Variants in PNRC2 observed in about 807,000 individuals in gnomAD.
PNRC2 encodes proline-rich nuclear receptor coactivator 2.
Under a neutral mutation model 12.2 loss-of-function variants are expected in PNRC2, and 2 were observed. The ratio of observed to expected loss-of-function variants is 0.16; its 90% CI spans 0.07 to 0.52. The LOEUF is 0.52. PNRC2 is among the 20% of genes least tolerant of loss of function. The pLI is 0.95. For synonymous variants in PNRC2, 44 were observed against 53.9 expected (o/e 0.82, Z 0.80); for missense variants, 115 against 158.4 (o/e 0.73, Z 1.47).
At chr1:23,960,174 A>AG (rs1283223741) in intron 1 of PNRC2, among the ~76,000 whole-genome samples, 176 bp downstream of exon 1, 7 of 152,220 alleles carry the variant, frequency 4.6e-5, no homozygotes, top group Non-Finnish European at 2.9e-5. Context: ...TGGGAAGCCA[A>AG]GCCCTTGTGG....
chr1:23,960,158 G>T (rs1457128542), intron 1 of PNRC2, among the ~76,000 whole-genome samples, 160 bp downstream of exon 1: 3 of 152,324 alleles, frequency 2.0e-5, no homozygotes, highest in Admixed American at 6.5e-5. Context: ...GGAGAGATGG[G>T]GCCACTGGGA....
In PNRC2 at chr1:23,962,975, C is replaced by T. The variant is rs1641309518; in HGVS notation, c.*1098C>T. 1 of 166,900 alleles carries T rather than the reference C, an allele frequency of 6.0e-6. No homozygotes were observed. Among genetic ancestry groups the T allele is most frequent in the African/African-American group, 2.4e-5 (1 of 41,494 alleles). 10.3% of individuals were successfully genotyped at this position (166,900 alleles called of 1,614,324 possible). A position where few individuals can be genotyped will look rare whatever the true frequency, so the allele number is the denominator to read the frequency against. On this transcript the variant is annotated 3_prime_UTR_variant, in exon 3 of 3. Coordinates refer to ENST00000334351, the MANE Select transcript of PNRC2 (RefSeq NM_017761.4). ...AGTATGGGACTATCTTTTTTTCCTC[C>T]TCTAAGCCCAAAGATTAACTAGAGT... is the stretch of plus-strand genomic sequence containing the variant.
Position 23,961,530 on chromosome 1 carries a change from AACAG to A in PNRC2, c.79_82del (p.Gln27ArgfsTer9). 6.2e-7 allele frequency: 1 copy of A among 1,613,484 alleles called. No homozygotes were observed. Among genetic ancestry groups the A allele is most frequent in the Non-Finnish European group, 8.5e-7 (1 of 1,179,578 alleles). ...TGTTAGTAAGAACCAACAACAGCTT[AACAG>A]ACAGAAGACCAAGGAACAGAATTCC... On this transcript the variant is annotated frameshift_variant, in exon 3 of 3. Coordinates refer to ENST00000334351, the MANE Select transcript of PNRC2 (RefSeq NM_017761.4). LOFTEE classifies it high-confidence loss of function.
Position 23,961,544 on chromosome 1 carries a change from C to T in PNRC2, c.87C>T (p.Thr29=). The change falls in exon 3 of 3, where the codon ACC becomes ACT. Residue 29 remains threonine (T), a synonymous_variant. Transcript: ENST00000334351. ...KNQQQLNRQK[T]KEQNSQMKIV... is the part of the protein sequence containing the mutation. ...AACAACAGCTTAACAGACAGAAGAC[C>T]AAGGAACAGAATTCCCAGATGAAGA... is the stretch of plus-strand genomic sequence containing the variant. 6.2e-7 allele frequency: 1 copy of T among 1,613,196 alleles called. No individual in the cohort carries two copies. Among genetic ancestry groups the T allele is most frequent in the Non-Finnish European group, 8.5e-7 (1 of 1,179,348 alleles).
chr1:23,961,346 C>T (rs1340689549), intron 2 of PNRC2, 94 bp from the exon 3 acceptor site: 76 of 900,140 alleles, frequency 8.4e-5, no homozygotes, highest in Non-Finnish European at 1.3e-4. Flanking sequence ...TCCAAAATAT[C>T]TGGAGTTATA....
At chr1:23,959,794 G>C (rs1199396130), upstream of PNRC2, 2 of 152,318 alleles carry the variant, frequency 1.3e-5, no homozygotes, top group Non-Finnish European at 2.9e-5. Flanking sequence ...GAGCCTCCCG[G>C]CCCTGCTTCT....
chr1:23,961,932 G>C lies in PNRC2; in HGVS notation c.*55G>C, dbSNP rs569144050. 32 of 1,079,536 alleles carry C rather than the reference G, an allele frequency of 3.0e-5. No individual in the cohort carries two copies. In the African/African-American group the frequency reaches 4.2e-4, roughly 14 times the overall value. 66.9% of individuals were successfully genotyped at this position (1,079,536 alleles called of 1,614,324 possible). A position where few individuals can be genotyped will look rare whatever the true frequency, so the allele number is the denominator to read the frequency against. ...TTCACGGATAGTTGTCAATTGGTCTGAAACAAATTCGCTAGGGAATCTATT... is the reference window on the plus strand; with the variant it reads ...TTCACGGATAGTTGTCAATTGGTCTCAAACAAATTCGCTAGGGAATCTATT... On this transcript the variant is annotated 3_prime_UTR_variant, in exon 3 of 3. Transcript: ENST00000334351.
In PNRC2 at chr1:23,961,823, A is replaced by T. The variant is rs1171705759; in HGVS notation, c.366A>T (p.Ser122=). The T allele has an allele frequency of 1.9e-6, 3 of 1,598,204 alleles. No individual in the cohort carries two copies. The highest frequency in any genetic ancestry group is 2.6e-6 in the Non-Finnish European group (3 of 1,168,004). Residue 122 remains serine (S), a synonymous_variant, in exon 3 of 3, where the codon TCA becomes TCT. Transcript: ENST00000334351. ...GGGTCCCTGTTTCCTTTAATCCTTC[A>T]GATAAGGAAATAATGACATTTCAAC... ...SHWVPVSFNP[S]DKEIMTFQLK...
In PNRC2 at chr1:23,962,661, T is replaced by TAAACTTGTAGCATATG. The variant is rs1553147199; in HGVS notation, c.*785_*800dup. 1 of 167,102 alleles carries TAAACTTGTAGCATATG rather than the reference T, an allele frequency of 6.0e-6. No individual in the cohort carries two copies. The highest frequency in any genetic ancestry group is 1.5e-5 in the Non-Finnish European group (1 of 68,094). The allele number at this position is 167,102 out of a possible 1,614,324, so 10.4% of individuals were successfully genotyped here. A position where few individuals can be genotyped will look rare whatever the true frequency, so the allele number is the denominator to read the frequency against. On this transcript the variant is annotated 3_prime_UTR_variant, in exon 3 of 3. Transcript: ENST00000334351. ...GAAAGAGCCATGTAAATATCTGTAA[T>TAAACTTGTAGCATATG]AAACTTGTAGCATATGTAAAGTTTT...
Position 23,962,762 on chromosome 1 carries a change from AAT to A in PNRC2, c.*888_*889del, listed in dbSNP as rs1176373779. On this transcript the variant is annotated 3_prime_UTR_variant, in exon 3 of 3. Coordinates refer to ENST00000334351, the MANE Select transcript of PNRC2 (RefSeq NM_017761.4). ...TGTAAGACCGTGGACTGTTTTTTATAATATGGCCTAATTTTAAAGGTCCAAAA... is the reference window on the plus strand; with the variant it reads ...TGTAAGACCGTGGACTGTTTTTTATAATGGCCTAATTTTAAAGGTCCAAAA... 3.0e-5 allele frequency: 5 copies of A among 166,996 alleles called. No homozygotes were observed. Among genetic ancestry groups the A allele is most frequent in the Admixed American group, 2.0e-4 (3 of 15,270 alleles). 10.3% of individuals were successfully genotyped at this position (166,996 alleles called of 1,614,324 possible).
At position 23,961,009 on chromosome 1, in the gene PNRC2, C is replaced by T. The variant is rs1190745478; in HGVS notation, c.-144C>T. ...CTAGGCTGAACTCAGCAGATCGGCC[C>T]ATGAAAACTTCTGTATTGAGACAAA... On this transcript the variant is annotated 5_prime_UTR_variant, in exon 2 of 3. Coordinates refer to ENST00000334351, the MANE Select transcript of PNRC2 (RefSeq NM_017761.4). 1 of 402,198 alleles carries T rather than the reference C, an allele frequency of 2.5e-6. No homozygotes were observed. Among genetic ancestry groups the T allele is most frequent in the Non-Finnish European group, 4.4e-6 (1 of 227,924 alleles). The allele number at this position is 402,198 out of a possible 1,614,324, so 24.9% of individuals were successfully genotyped here. A position where few individuals can be genotyped will look rare whatever the true frequency, so the allele number is the denominator to read the frequency against.
Position 23,961,964 on chromosome 1 carries a change from G to T in PNRC2, c.*87G>T, listed in dbSNP as rs1641288606. The T allele has an allele frequency of 2.7e-6, 2 of 750,248 alleles. No individual in the cohort carries two copies. The highest frequency in any genetic ancestry group is 4.4e-6 in the Non-Finnish European group (2 of 455,368). The allele number at this position is 750,248 out of a possible 1,614,324, so 46.5% of individuals were successfully genotyped here. A position where few individuals can be genotyped will look rare whatever the true frequency, so the allele number is the denominator to read the frequency against. On this transcript the variant is annotated 3_prime_UTR_variant, in exon 3 of 3. Transcript: ENST00000334351. ...ATTCGCTAGGGAATCTATTTGTGTA[G>T]AACTAATTAATGTAAAAAAAATAGA...
At chr1:23,961,340 A>G (rs1271947268) in intron 2 of PNRC2, 100 bp from the exon 3 acceptor site, 47 of 882,874 alleles carry the variant, frequency 5.3e-5, no homozygotes, top group Non-Finnish European at 7.1e-5. Context: ...GTCTTGTCCA[A>G]AATATCTGGA....
chr1:23,960,119 G>A (rs1641248112), intron 1 of PNRC2, 121 bp downstream of exon 1: 1 of 152,282 alleles, frequency 6.6e-6, no homozygotes, highest in Non-Finnish European at 1.5e-5. Context: ...GGTCACGGGC[G>A]GTCGCAGCGC....
At chr1:23,960,708 A>G (rs1042499496) in intron 1 of PNRC2, among the ~76,000 whole-genome samples, 130 of 152,338 alleles carry the variant, frequency 8.5e-4, no homozygotes, top group Middle Eastern at 3.4e-3. Flanking sequence ...CGGGACTTGG[A>G]GACACTTACA....
rs1570751487 is a variant in PNRC2, at chr1:23,961,811, C to G, written c.354C>G (p.Ser118=). The change falls in exon 3 of 3, where the codon TCC becomes TCG. Residue 118 remains serine, a synonymous_variant. Transcript: ENST00000334351. ...CACCAAGCCACTGGGTCCCTGTTTC[C>G]TTTAATCCTTCAGATAAGGAAATAA... ...PKPPSHWVPV[S]FNPSDKEIMT... 5 of 1,606,304 alleles carry G rather than the reference C, an allele frequency of 3.1e-6. No individual in the cohort carries two copies. Among genetic ancestry groups the G allele is most frequent in the Non-Finnish European group, 4.3e-6 (5 of 1,173,654 alleles).
intron 1 of PNRC2, among the ~76,000 whole-genome samples, chr1:23,960,271 G>A (rs1349336762): frequency 6.6e-6 from 1 of 152,240 alleles, no homozygotes; most frequent in African/African-American, 2.4e-5. Context: ...TATCTGTTTG[G>A]AAAGCTCTCT....
At position 23,961,674 on chromosome 1, in the gene PNRC2, A is replaced by G; in HGVS notation, c.217A>G (p.Ser73Gly). 1 of 1,613,940 alleles carries G rather than the reference A, an allele frequency of 6.2e-7. No homozygotes were observed. The highest frequency in any genetic ancestry group is 8.5e-7 in the Non-Finnish European group (1 of 1,179,842). ...GAACAAAAATTTTCCAAATAATCAA[A>G]GTTGGAATTCTAGCTTATCAGGTCC... ...GKNKNFPNNQSWNSSLSGPRL... is the reference protein window; with the variant it reads ...GKNKNFPNNQGWNSSLSGPRL... Residue 73 changes from serine to glycine, a missense_variant, in exon 3 of 3, where the codon AGT becomes GGT. Transcript: ENST00000334351.
At chr1:23,960,899 G>C (rs1419089024) in intron 1 of PNRC2, 30 bp from the exon 2 acceptor site, 4 of 398,262 alleles carry the variant, frequency 1.0e-5, no homozygotes, top group Non-Finnish European at 1.3e-5. Context: ...ACGTGTTTTT[G>C]AAATAATGAA....
Sources: allele counts gnomAD v4.1 joint callset (sites outside exome capture counted in the v4.1 genomes callset), GRCh38; gene constraint gnomAD v4.1.1; transcripts MANE v1.5; gene names NCBI Gene and HGNC (gene_info 2026-07-23, HGNC 2026-07-21).